RAPGEF2: variants seen among roughly 807,000 people sequenced by gnomAD.
The protein encoded by RAPGEF2 is PDZ domain containing guanine nucleotide exchange factor (GEF) 1.
A neutral mutation model predicts 186.7 loss-of-function variants in RAPGEF2; 54 were observed. The observed-to-expected ratio is 0.29, with a 90% CI of 0.23 to 0.36. The LOEUF is 0.36. RAPGEF2 is among the 10% of genes least tolerant of loss of function. RAPGEF2 has a pLI of 1.00. For synonymous variants in RAPGEF2, 712 were observed against 705.9 expected (o/e 1.01, Z -0.14); for missense variants, 1,532 against 2,045.0 (o/e 0.75, Z 4.84).
intron 7 of RAPGEF2, among the ~76,000 whole-genome samples, chr4:159,263,446 T>C (rs1757099754): frequency 6.6e-6 from 1 of 152,208 alleles, no homozygotes. Context: ...ATTTGTTGTT[T>C]TCTCGTATCA....
intron 4 of RAPGEF2, among the ~76,000 whole-genome samples, chr4:159,213,976 A>G (rs1430775973): frequency 6.6e-6 from 1 of 152,234 alleles, no homozygotes; most frequent in Non-Finnish European, 1.5e-5. Flanking sequence ...TGTTGCCTTC[A>G]GATAGAGCTG....
intron 1 of RAPGEF2, among the ~76,000 whole-genome samples, chr4:159,176,251 G>A (rs539420300): frequency 1.3e-5 from 2 of 152,272 alleles, no homozygotes; most frequent in African/African-American, 2.4e-5. Flanking sequence ...GCCTTGGAAC[G>A]AGGTGGTTTG....
chr4:159,220,497 A>G (rs1180931242), intron 4 of RAPGEF2, among the ~76,000 whole-genome samples: 1 of 152,240 alleles, frequency 6.6e-6, no homozygotes, highest in Non-Finnish European at 1.5e-5. Flanking sequence ...GCTGCCAAAC[A>G]TAAATCCACA....
Position 159,193,843 on chromosome 4 carries a change from G to C in RAPGEF2, c.197+587G>C, listed in dbSNP as rs1002249454. On this transcript the variant is annotated intron_variant, in intron 3 of 29. Coordinates refer to ENST00000691494, the MANE Select transcript of RAPGEF2 (RefSeq NM_001394067.2). ...TGTTTCAATAATGTTTGCCATGACTGTTGTTTTGTTGACTGGTTTTCAAAG... is the reference window on the plus strand; with the variant it reads ...TGTTTCAATAATGTTTGCCATGACTCTTGTTTTGTTGACTGGTTTTCAAAG... 7.2e-5 allele frequency among the ~76,000 whole-genome samples: 11 copies of C among 152,148 alleles called. No homozygotes were observed. The South Asian group carries it at 1.2e-3, about 17-fold the overall frequency.
chr4:159,219,312 C>T (rs1751281006), intron 4 of RAPGEF2, among the ~76,000 whole-genome samples: 1 of 83,874 alleles, frequency 1.2e-5, no homozygotes. Flanking sequence ...TGTGTAAAAC[C>T]TAATCACTAC....
chr4:159,141,656 C>G (rs1742351586), intron 1 of RAPGEF2, among the ~76,000 whole-genome samples: 2 of 151,916 alleles, frequency 1.3e-5, no homozygotes, highest in African/African-American at 4.8e-5. Flanking sequence ...GAAGCCTGTA[C>G]CAGTTTATAT....
rs111836930 is a variant in RAPGEF2, at chr4:159,238,019, T to TA, written c.282-777dup. Among the ~76,000 whole-genome samples the TA allele has an allele frequency of 8.8e-3, 1,280 of 145,210 alleles. 14 individuals carry two copies. The highest frequency in any genetic ancestry group is 0.028 in the African/African-American group (1,111 of 39,822). On this transcript the variant is annotated intron_variant, in intron 4 of 29. Coordinates refer to ENST00000691494, the MANE Select transcript of RAPGEF2 (RefSeq NM_001394067.2). ...GGTGACAGAGTGAGACCTTGTCTCT[T>TA]AAAAAAAAAAAAATTAACTGGAAGG...
rs1014283813 is a variant in RAPGEF2, at chr4:159,186,701, G to A, written c.129G>A (p.Glu43=). The A allele has an allele frequency of 2.3e-5, 33 of 1,458,904 alleles. No individual in the cohort carries two copies. Among genetic ancestry groups the A allele is most frequent in the Non-Finnish European group, 2.9e-5 (32 of 1,086,278 alleles). The allele number at this position is 1,458,904 out of a possible 1,614,324, so 90.4% of individuals were successfully genotyped here. ...HGMEALSNLR[E]HQLRLMCETV... Reference sequence around the variant, plus strand: ...TGGAAGCCTTATCAAACTTGAGGGAGCATCAACTTAGGTATGTCATTTTAA... The same window carrying A: ...TGGAAGCCTTATCAAACTTGAGGGAACATCAACTTAGGTATGTCATTTTAA... The change falls in exon 2 of 30, where the codon GAG becomes GAA. Residue 43 remains glutamate, a synonymous_variant. Coordinates refer to ENST00000691494, the MANE Select transcript of RAPGEF2 (RefSeq NM_001394067.2).
At chr4:159,258,469 A>T (rs986619603) in intron 7 of RAPGEF2, among the ~76,000 whole-genome samples, 2 of 152,174 alleles carry the variant, frequency 1.3e-5, no homozygotes, top group African/African-American at 4.8e-5. Flanking sequence ...AATGTATTTG[A>T]TTACAACAAA....
intron 2 of RAPGEF2, 96 bp from the exon 3 acceptor site, chr4:159,193,104 T>A (rs751278794): frequency 1.3e-5 from 7 of 540,626 alleles, no homozygotes; most frequent in Middle Eastern, 3.7e-4. Flanking sequence ...TATAAAATAA[T>A]CAATTTTCTA....
At position 159,198,301 on chromosome 4, in the gene RAPGEF2, TC is replaced by T. The variant is rs1343907274; in HGVS notation, c.197+5046del. ...TTCTTTCTTTCTTTCTTTCTTTCTTTCTTTCTTTCTTTCTTTCTTTCTTTCT... is the reference window on the plus strand; with the variant it reads ...TTCTTTCTTTCTTTCTTTCTTTCTTTTTTCTTTCTTTCTTTCTTTCTTTCT... On this transcript the variant is annotated intron_variant, in intron 3 of 29. Transcript: ENST00000691494. 5.3e-5 allele frequency among the ~76,000 whole-genome samples: 4 copies of T among 74,854 alleles called. No individual in the cohort carries two copies. The East Asian group carries it at 1.2e-3, about 22-fold the overall frequency. 49.1% of individuals were successfully genotyped at this position (74,854 alleles called of 152,430 possible). A position where few individuals can be genotyped will look rare whatever the true frequency, so the allele number is the denominator to read the frequency against.
intron 13 of RAPGEF2, 134 bp downstream of exon 13, chr4:159,330,632 AAAAC>A: frequency 1.7e-6 from 1 of 604,634 alleles, no homozygotes; most frequent in African/African-American, 2.0e-5. Flanking sequence ...GAAGCAAAAA[AAAAC>A]AAAAAAACAA....
intron 29 of RAPGEF2, among the ~76,000 whole-genome samples, chr4:159,357,185 C>T (rs1254120869): frequency 3.3e-5 from 5 of 152,118 alleles, no homozygotes; most frequent in Non-Finnish European, 5.9e-5. Context: ...CATAGTGAGA[C>T]CTGTCTCCAT....
chr4:159,181,924 T>C (rs1342173459), intron 1 of RAPGEF2, among the ~76,000 whole-genome samples: 1 of 152,220 alleles, frequency 6.6e-6, no homozygotes, highest in Non-Finnish European at 1.5e-5. Flanking sequence ...TTTAGGATTA[T>C]CCAGAAGGAT....
At chr4:159,351,694 G>A (rs184890420) in intron 26 of RAPGEF2, among the ~76,000 whole-genome samples, 1 of 152,158 alleles carries the variant, frequency 6.6e-6, no homozygotes, top group Admixed American at 6.5e-5. Context: ...TGTAATCCCA[G>A]CACTTTGGGA....
chr4:159,235,420 G>T (rs1349703438), intron 4 of RAPGEF2, among the ~76,000 whole-genome samples: 1 of 152,136 alleles, frequency 6.6e-6, no homozygotes, highest in Admixed American at 6.5e-5. Context: ...CACTTTTTCA[G>T]TGTAGAGCAT....
At chr4:159,167,621 TA>T (rs548072912) in intron 1 of RAPGEF2, among the ~76,000 whole-genome samples, 320 of 152,302 alleles carry the variant, frequency 2.1e-3, no homozygotes, top group Non-Finnish European at 2.5e-3. Flanking sequence ...TGTCAAATTT[TA>T]AAAAATGTTC....
intron 7 of RAPGEF2, among the ~76,000 whole-genome samples, chr4:159,277,888 T>C (rs544893976): frequency 2.6e-4 from 39 of 152,326 alleles, no homozygotes; most frequent in African/African-American, 8.7e-4. Flanking sequence ...CTGTTCACTC[T>C]GATGGTAGTT....
At chr4:159,153,297 A>G (rs1280992713) in intron 1 of RAPGEF2, among the ~76,000 whole-genome samples, 3 of 152,104 alleles carry the variant, frequency 2.0e-5, no homozygotes, top group Non-Finnish European at 4.4e-5. Flanking sequence ...GCTGGGGTTC[A>G]CCACCCACCC....
Sources: allele counts gnomAD v4.1 joint callset (sites outside exome capture counted in the v4.1 genomes callset), GRCh38; gene constraint gnomAD v4.1.1; transcripts MANE v1.5; gene names NCBI Gene and HGNC (gene_info 2026-07-23, HGNC 2026-07-21).